Variants in OCA2 observed in about 807,000 individuals in gnomAD.
OCA2 encodes P protein.
In OCA2, 77 loss-of-function variants were observed where a neutral mutation model predicts 100.2. That is an observed-to-expected ratio of 0.77 (90% CI 0.64 to 0.93). OCA2 has a LOEUF of 0.93. OCA2 is among the 40% of genes least tolerant of loss of function. The probability of loss-of-function intolerance (pLI) is 0.00; values close to 1 mark genes in which losing one functional copy is unlikely to be tolerated. For missense variants in OCA2, 1,062 were observed against 1,089.1 expected (o/e 0.98, Z 0.35); for synonymous variants, 432 against 439.2 (o/e 0.98, Z 0.21).
Position 27,989,632 on chromosome 15 carries a change from T to C in OCA2, c.1151A>G (p.Asp384Gly), listed in dbSNP as rs766300008. ...PSLTHVVEWI[D>G]FETLALLFGM... is the part of the protein sequence containing the mutation. ...AAACAGCAGGGCCAGCGTCTCAAAA[T>C]CAATCCACTCCACCACATGGGTCAG... Residue 384 changes from aspartate (D) to glycine (G), a missense_variant, in exon 11 of 24, where the codon GAT (aspartate) becomes GGT (glycine). By Grantham distance (94) the Asp-to-Gly change is moderately conservative (BLOSUM62 -1). Transcript: ENST00000354638. 1.9e-6 allele frequency: 3 copies of C among 1,614,080 alleles called. No individual in the cohort carries two copies. Among genetic ancestry groups the C allele is most frequent in the Non-Finnish European group, 2.5e-6 (3 of 1,180,008 alleles).
chr15:27,819,753 T>C (rs979305247), intron 23 of OCA2, among the ~76,000 whole-genome samples: 3 of 152,190 alleles, frequency 2.0e-5, no homozygotes, highest in Non-Finnish European at 4.4e-5. Context: ...TATACACATA[T>C]ATTTCTGTGC....
chr15:27,805,567 C>CG (rs2033804157), intron 23 of OCA2, among the ~76,000 whole-genome samples: 1 of 152,164 alleles, frequency 6.6e-6, no homozygotes, highest in Admixed American at 6.5e-5. Context: ...GGCAGCTGCC[C>CG]GGGTGTTGGC....
chr15:27,838,785 G>A (rs1294598858), intron 23 of OCA2, among the ~76,000 whole-genome samples: 1 of 152,168 alleles, frequency 6.6e-6, no homozygotes, highest in Non-Finnish European at 1.5e-5. Context: ...GGTGTATTAG[G>A]AAGCAAAGTG....
At chr15:27,891,305 T>TA (rs1260719268) in intron 19 of OCA2, among the ~76,000 whole-genome samples, 1 of 151,946 alleles carries the variant, frequency 6.6e-6, no homozygotes, top group African/African-American at 2.4e-5. Flanking sequence ...AGAGAAACAC[T>TA]AAAAAATACT....
At chr15:27,730,788 T>C in the OCA2 span, among the ~76,000 whole-genome samples, 164 of 136,494 alleles carry the variant, frequency 1.2e-3, 3 homozygotes, top group African/African-American at 4.3e-3. Context: ...TGTTTTTTTT[T>C]CAAATTATAT....
At chr15:27,801,488 G>A (rs1595434553) in intron 23 of OCA2, among the ~76,000 whole-genome samples, 1 of 138,964 alleles carries the variant, frequency 7.2e-6, no homozygotes, top group East Asian at 2.2e-4. Flanking sequence ...GGAGGCGGAG[G>A]TTACAGTGAG....
At chr15:27,944,292 G>A (rs986806812) in intron 18 of OCA2, among the ~76,000 whole-genome samples, 1 of 152,180 alleles carries the variant, frequency 6.6e-6, no homozygotes, top group Non-Finnish European at 1.5e-5. Context: ...CCTTCAAGCT[G>A]CCCTCAATTA....
At chr15:27,876,832 C>CA (rs1298871968) in intron 19 of OCA2, among the ~76,000 whole-genome samples, 3 of 151,680 alleles carry the variant, frequency 2.0e-5, no homozygotes, top group Non-Finnish European at 3.0e-5. Flanking sequence ...TGTTTCTTTT[C>CA]AAAGAACCAG....
chr15:27,818,049 C>G (rs2034368714), intron 23 of OCA2, among the ~76,000 whole-genome samples: 1 of 152,176 alleles, frequency 6.6e-6, no homozygotes, highest in Admixed American at 6.5e-5. Flanking sequence ...TATTGGAAAA[C>G]CTACAGCTAT....
chr15:27,770,836 CCCT>C (rs1484946771), intron 23 of OCA2, among the ~76,000 whole-genome samples: 6 of 118,706 alleles, frequency 5.1e-5, no homozygotes, highest in African/African-American at 2.3e-4. Flanking sequence ...CTTCCTTCCT[CCCT>C]CTTTTCCTTC....
chr15:27,824,952 A>G (rs771536939), intron 23 of OCA2, among the ~76,000 whole-genome samples: 10 of 152,112 alleles, frequency 6.6e-5, no homozygotes, highest in Non-Finnish European at 1.3e-4. Flanking sequence ...TCCATCTGCC[A>G]AGATAATGCT....
Position 28,081,738 on chromosome 15 carries a change from TCAGCTCCACCGGC to T in OCA2, c.124_136del (p.Ala42ThrfsTer56). ...CCCCCTGGGGCAGGAGTGCGAGGGG[TCAGCTCCACCGGC>T]TCCCCGAGGAAGCCTGCGCTTGCCG... On this transcript the variant is annotated frameshift_variant, in exon 2 of 24. Coordinates refer to ENST00000354638, the MANE Select transcript of OCA2 (RefSeq NM_000275.3). LOFTEE classifies it high-confidence loss of function. 1 of 1,613,506 alleles carries T rather than the reference TCAGCTCCACCGGC, an allele frequency of 6.2e-7. No homozygotes were observed. The highest frequency in any genetic ancestry group is 8.5e-7 in the Non-Finnish European group (1 of 1,179,926).
intron 23 of OCA2, among the ~76,000 whole-genome samples, chr15:27,773,832 T>C (rs1012440551): frequency 6.6e-5 from 10 of 152,236 alleles, no homozygotes; most frequent in Non-Finnish European, 8.8e-5. Context: ...AGGAGTTGGA[T>C]ACCCAGGAGT....
chr15:28,049,384 T>C (rs1354627988), intron 2 of OCA2, among the ~76,000 whole-genome samples: 1 of 152,194 alleles, frequency 6.6e-6, no homozygotes, highest in Non-Finnish European at 1.5e-5. Context: ...TAATGCAAAG[T>C]GTGGAAAACT....
intron 14 of OCA2, among the ~76,000 whole-genome samples, chr15:27,977,755 T>C (rs1193576996): frequency 6.6e-6 from 1 of 152,028 alleles, no homozygotes; most frequent in Non-Finnish European, 1.5e-5. Flanking sequence ...GTCATGAGGG[T>C]GGAGCCCTCA....
intron 3 of OCA2, among the ~76,000 whole-genome samples, chr15:28,029,668 T>C (rs1299637176): frequency 6.6e-6 from 1 of 152,240 alleles, no homozygotes; most frequent in Non-Finnish European, 1.5e-5. Flanking sequence ...ATACAGGGCA[T>C]GCTTTGACCT....
chr15:27,958,388 A>G (rs1390054521), intron 15 of OCA2, among the ~76,000 whole-genome samples: 1 of 152,224 alleles, frequency 6.6e-6, no homozygotes, highest in African/African-American at 2.4e-5. Context: ...TTTCAGGAGC[A>G]GATCTAGTGA....
intron 18 of OCA2, among the ~76,000 whole-genome samples, chr15:27,949,183 C>T (rs186188599): frequency 1.3e-5 from 2 of 152,296 alleles, no homozygotes; most frequent in African/African-American, 2.4e-5. Context: ...TCACAATGCA[C>T]ATTTTTATAT....
intron 23 of OCA2, among the ~76,000 whole-genome samples, chr15:27,775,876 T>A (rs1325888571): frequency 6.6e-6 from 1 of 152,240 alleles, no homozygotes; most frequent in Non-Finnish European, 1.5e-5. Flanking sequence ...TCATTTTAAC[T>A]AACCACCTTG....
Sources: allele counts gnomAD v4.1 joint callset (sites outside exome capture counted in the v4.1 genomes callset), GRCh38; gene constraint gnomAD v4.1.1; transcripts MANE v1.5; gene names NCBI Gene and HGNC (gene_info 2026-07-23, HGNC 2026-07-21).